The following GSTCD variants were observed in gnomAD, a reference collection of about 807,000 sequenced individuals.
GSTCD encodes glutathione S-transferase C-terminal domain containing, also known as glutathione S-transferase C-terminal domain-containing protein.
GSTCD carries 44 observed loss-of-function variants against 68.3 expected under a neutral mutation model. That is an observed-to-expected ratio of 0.64 (90% CI 0.51 to 0.83). The LOEUF is 0.83. Among genes scored for constraint, GSTCD ranks in the 40% least tolerant of loss-of-function variants. GSTCD has a pLI of 0.00. For synonymous variants in GSTCD, 273 were observed against 255.2 expected, an observed-to-expected ratio of 1.07 and a Z score of -0.67; for missense variants, 739 against 735.9, an observed-to-expected ratio of 1.00 and a Z score of -0.05.
intron 3 of GSTCD, among the ~76,000 whole-genome samples, chr4:105,723,129 C>T (rs995090792): frequency 1.4e-4 from 21 of 151,806 alleles, no homozygotes; most frequent in African/African-American, 3.1e-4. Context: ...GTCACTAGAA[C>T]GAAGAGTACA....
In GSTCD at chr4:105,767,271, A is replaced by G. The variant is rs759543700; in HGVS notation, c.1240+37772A>G. On this transcript the variant is annotated intron_variant, in intron 5 of 11. Transcript: ENST00000515279. ...ATTGGCTGAGACTTGGCTACTTGTTATAAGAGTAAGTTACAGTCTATTTAT... is the reference window on the plus strand; with the variant it reads ...ATTGGCTGAGACTTGGCTACTTGTTGTAAGAGTAAGTTACAGTCTATTTAT... Among the ~76,000 whole-genome samples the G allele has an allele frequency of 4.7e-4, 72 of 152,204 alleles. 1 individual carries two copies. The highest frequency in any genetic ancestry group is 3.2e-3 in the Middle Eastern group (1 of 316).
chr4:105,770,740 T>C (rs1397140842), intron 5 of GSTCD, among the ~76,000 whole-genome samples: 3 of 152,200 alleles, frequency 2.0e-5, no homozygotes, highest in Admixed American at 1.3e-4. Flanking sequence ...CCATGGTGTA[T>C]ATGTGCCACA....
intron 5 of GSTCD, among the ~76,000 whole-genome samples, chr4:105,753,620 G>T (rs894591089): frequency 6.6e-6 from 1 of 151,966 alleles, no homozygotes; most frequent in Non-Finnish European, 1.5e-5. Context: ...GGGAGGATGT[G>T]CATAGATTAT....
chr4:105,714,279 AG>A (rs1477588153), intron 1 of GSTCD, among the ~76,000 whole-genome samples: 1 of 152,154 alleles, frequency 6.6e-6, no homozygotes, highest in Non-Finnish European at 1.5e-5. Flanking sequence ...CACCTGTCAA[AG>A]CTGAGAAAGA....
chr4:105,811,487 G>A (rs1200420446), intron 5 of GSTCD, among the ~76,000 whole-genome samples: 1 of 133,020 alleles, frequency 7.5e-6, no homozygotes, highest in Non-Finnish European at 1.5e-5. Context: ...AAGTCTCAAT[G>A]TTAAAAATCT....
At chr4:105,759,849 C>T (rs1734334430) in intron 5 of GSTCD, among the ~76,000 whole-genome samples, 1 of 152,066 alleles carries the variant, frequency 6.6e-6, no homozygotes, top group Admixed American at 6.6e-5. Flanking sequence ...TAATATAATA[C>T]AATGATACTC....
intron 5 of GSTCD, among the ~76,000 whole-genome samples, chr4:105,811,478 A>T (rs545952568): frequency 7.4e-6 from 1 of 134,274 alleles, no homozygotes; most frequent in African/African-American, 2.9e-5. Flanking sequence ...CAGATGATGA[A>T]GTCTCAATGT....
chr4:105,732,133 G>A (rs1018984814), intron 5 of GSTCD, among the ~76,000 whole-genome samples: 1 of 152,188 alleles, frequency 6.6e-6, no homozygotes, highest in Non-Finnish European at 1.5e-5. Flanking sequence ...ATGTTCATCA[G>A]GGATATTGGT....
chr4:105,814,898 T>C (rs908831254), intron 5 of GSTCD, among the ~76,000 whole-genome samples: 1 of 152,240 alleles, frequency 6.6e-6, no homozygotes, highest in East Asian at 1.9e-4. Flanking sequence ...AGAACTGGAA[T>C]GCAAAACTGC....
chr4:105,807,978 G>A (rs528535229), intron 5 of GSTCD, among the ~76,000 whole-genome samples: 6 of 152,152 alleles, frequency 3.9e-5, no homozygotes, highest in Admixed American at 3.3e-4. Context: ...CCTTGTACAT[G>A]TATCAGTTTT....
At chr4:105,786,888 C>T (rs558549079) in intron 5 of GSTCD, among the ~76,000 whole-genome samples, 48 of 152,064 alleles carry the variant, frequency 3.2e-4, no homozygotes, top group African/African-American at 1.1e-3. Context: ...CATATACTGC[C>T]GTTAGGAATG....
At chr4:105,835,418 A>T (rs989420352) in intron 9 of GSTCD, among the ~76,000 whole-genome samples, 30 of 152,152 alleles carry the variant, frequency 2.0e-4, no homozygotes, top group African/African-American at 6.8e-4. Flanking sequence ...GCTGTGGGGC[A>T]GGCATCTCCA....
intron 4 of GSTCD, 123 bp downstream of exon 4, chr4:105,726,953 CACTCTTT>C: frequency 1.4e-6 from 1 of 736,674 alleles, no homozygotes; most frequent in Non-Finnish European, 2.1e-6. Context: ...TAGCTTTCTT[CACTCTTT>C]ACCAGTTAAT....
intron 5 of GSTCD, among the ~76,000 whole-genome samples, chr4:105,797,339 AG>A (rs1735934743): frequency 6.6e-6 from 1 of 152,086 alleles, no homozygotes; most frequent in Admixed American, 6.5e-5. Context: ...GCGATATTGC[AG>A]GTTCAGTTCC....
chr4:105,837,581 C>A (rs1724173920), intron 9 of GSTCD, among the ~76,000 whole-genome samples: 1 of 152,084 alleles, frequency 6.6e-6, no homozygotes, highest in Admixed American at 6.6e-5. Flanking sequence ...TGTTAAAACA[C>A]CTGGATCTTA....
At chr4:105,746,379 G>A (rs1733802760) in intron 5 of GSTCD, 1 of 152,116 alleles carries the variant, frequency 6.6e-6, no homozygotes, top group Admixed American at 6.6e-5. Flanking sequence ...TCTTGGGGGT[G>A]GCAGAGCATT....
At chr4:105,773,336 G>A (rs562138856) in intron 5 of GSTCD, among the ~76,000 whole-genome samples, 2 of 151,786 alleles carry the variant, frequency 1.3e-5, no homozygotes, top group South Asian at 4.2e-4. Context: ...TTTTTTGAAG[G>A]GTTTTTCATG....
Position 105,719,082 on chromosome 4 carries a change from G to A in GSTCD, c.449G>A (p.Cys150Tyr). The A allele has an allele frequency of 6.2e-7, 1 of 1,613,656 alleles. No individual in the cohort carries two copies. The highest frequency in any genetic ancestry group is 8.5e-7 in the Non-Finnish European group (1 of 1,179,776). Residue 150 changes from cysteine to tyrosine, a missense_variant, in exon 3 of 12, where the codon TGT (cysteine) becomes TAT (tyrosine). By Grantham distance (194) the Cys-to-Tyr change is radical. Coordinates refer to ENST00000515279, the MANE Select transcript of GSTCD (RefSeq NM_001370181.1). ...CAEVSQWTRLCELTIPLAIEN... is the reference protein window; with the variant it reads ...CAEVSQWTRLYELTIPLAIEN... ...TAGGTTAGTCAGTGGACCAGGCTATGTGAACTCACCATCCCTTTGGCTATT... is the reference window on the plus strand; with the variant it reads ...TAGGTTAGTCAGTGGACCAGGCTATATGAACTCACCATCCCTTTGGCTATT...
At chr4:105,795,065 A>G (rs566709395) in intron 5 of GSTCD, among the ~76,000 whole-genome samples, 1 of 151,944 alleles carries the variant, frequency 6.6e-6, no homozygotes, top group Non-Finnish European at 1.5e-5. Flanking sequence ...TGGTAGAGTC[A>G]GGGTTTCACC....
Sources: gnomAD v4.1 joint callset for allele counts (sites outside exome capture counted in the v4.1 genomes callset) on GRCh38, gnomAD v4.1.1 for gene constraint, MANE v1.5 for transcripts, NCBI Gene and HGNC (gene_info 2026-07-23, HGNC 2026-07-21) for gene names.